GRIN2B: variants seen among roughly 807,000 people sequenced by gnomAD.
GRIN2B encodes the protein glutamate receptor ionotropic, NMDA 2B.
GRIN2B carries 5 observed loss-of-function variants against 114.5 expected under a neutral mutation model. The ratio of observed to expected loss-of-function variants is 0.04; its 90% CI spans 0.02 to 0.09. The LOEUF (loss-of-function observed/expected upper bound fraction) is 0.09, where lower values mean the gene tolerates loss of function less well. GRIN2B is among the 10% of genes least tolerant of loss of function. The pLI, the probability that GRIN2B is intolerant of heterozygous loss-of-function variation, is 1.00. For missense variants in GRIN2B, 1,108 were observed against 1,943.5 expected (o/e 0.57, Z 8.08); for synonymous variants, 787 against 745.1 (o/e 1.06, Z -0.92).
At chr12:13,962,738 C>T (rs1156277147) in intron 2 of GRIN2B, among the ~76,000 whole-genome samples, 1 of 152,194 alleles carries the variant, frequency 6.6e-6, no homozygotes, top group Admixed American at 6.5e-5. Context: ...GGGCTGACCT[C>T]CACAAAGAAG....
chr12:13,781,894 C>G (rs565881215), intron 3 of GRIN2B, among the ~76,000 whole-genome samples: 6 of 152,214 alleles, frequency 3.9e-5, no homozygotes, highest in African/African-American at 1.4e-4. Context: ...CCTTAAGGTT[C>G]CTTCTAAGAC....
intron 3 of GRIN2B, among the ~76,000 whole-genome samples, chr12:13,810,136 A>AC (rs1417957420): frequency 4.4e-5 from 6 of 136,868 alleles, no homozygotes; most frequent in African/African-American, 1.6e-4. Context: ...AAACCCCACC[A>AC]CCCCCCTCCC....
intron 4 of GRIN2B, among the ~76,000 whole-genome samples, chr12:13,704,348 G>T (rs1950339693): frequency 6.6e-6 from 1 of 152,118 alleles, no homozygotes; most frequent in African/African-American, 2.4e-5. Flanking sequence ...ATGAAAGGAA[G>T]AAGGATTTGA....
rs1203112872 is a variant in GRIN2B, at chr12:13,557,898, C to T, written c.*4885G>A. ...TAATATGTCACCTTTCCTGGGATTACTTTCATTCGAATGACAGACAGCTCA... is the reference window on the plus strand; with the variant it reads ...TAATATGTCACCTTTCCTGGGATTATTTTCATTCGAATGACAGACAGCTCA... On this transcript the variant is annotated 3_prime_UTR_variant, in exon 14 of 14. Coordinates refer to ENST00000609686, the MANE Select transcript of GRIN2B (RefSeq NM_000834.5). 6.6e-6 allele frequency: 1 copy of T among 152,178 alleles called. No homozygotes were observed. Among genetic ancestry groups the T allele is most frequent in the East Asian group, 1.9e-4 (1 of 5,192 alleles). The allele number at this position is 152,178 out of a possible 1,614,324, so 9.4% of individuals were successfully genotyped here.
chr12:13,544,420 T>G lies in GRIN2B; in HGVS notation c.*18363A>C, dbSNP rs1948319648. 1 of 152,172 alleles carries G rather than the reference T, an allele frequency of 6.6e-6. No homozygotes were observed. Among genetic ancestry groups the G allele is most frequent in the Non-Finnish European group, 1.5e-5 (1 of 68,048 alleles). The allele number at this position is 152,172 out of a possible 1,614,324, so 9.4% of individuals were successfully genotyped here. ...AGAATCCTCTTCTGTCGCTACTCAT[T>G]CTCTAGTTCCAGTATCATGGCTTCA... On this transcript the variant is annotated 3_prime_UTR_variant, in exon 14 of 14. Coordinates refer to ENST00000609686, the MANE Select transcript of GRIN2B (RefSeq NM_000834.5).
intron 2 of GRIN2B, among the ~76,000 whole-genome samples, chr12:13,901,531 G>A (rs948596824): frequency 1.3e-5 from 2 of 151,974 alleles, no homozygotes; most frequent in South Asian, 4.1e-4. Context: ...TGTGGCTAGT[G>A]AGAATAAAGA....
At chr12:13,915,350 T>C (rs1866697509) in intron 2 of GRIN2B, among the ~76,000 whole-genome samples, 1 of 152,168 alleles carries the variant, frequency 6.6e-6, no homozygotes, top group Admixed American at 6.5e-5. Flanking sequence ...ACTAGCTATG[T>C]TTCGAACCTG....
chr12:13,651,462 T>A (rs1949811784), intron 5 of GRIN2B, among the ~76,000 whole-genome samples: 1 of 152,082 alleles, frequency 6.6e-6, no homozygotes, highest in African/African-American at 2.4e-5. Context: ...AGTGTAAACT[T>A]TGTCAAAAAA....
chr12:13,960,667 G>T (rs539696617), intron 2 of GRIN2B, among the ~76,000 whole-genome samples: 3 of 152,252 alleles, frequency 2.0e-5, no homozygotes, highest in Non-Finnish European at 2.9e-5. Context: ...GATCAGTAAA[G>T]GTTTTAGGGT....
At chr12:13,972,699 A>G (rs772817917) in intron 2 of GRIN2B, among the ~76,000 whole-genome samples, 18 of 152,204 alleles carry the variant, frequency 1.2e-4, no homozygotes, top group Non-Finnish European at 2.6e-4. Context: ...GGCCAACCTT[A>G]GGACTATTTT....
intron 2 of GRIN2B, among the ~76,000 whole-genome samples, chr12:13,904,664 T>C (rs1004287132): frequency 6.6e-6 from 1 of 152,148 alleles, no homozygotes; most frequent in African/African-American, 2.4e-5. Context: ...AATTCTAGTT[T>C]TTATTTTTCC....
chr12:13,755,486 G>A (rs1863560888), intron 3 of GRIN2B, among the ~76,000 whole-genome samples: 1 of 152,154 alleles, frequency 6.6e-6, no homozygotes, highest in Non-Finnish European at 1.5e-5. Context: ...GTGCTCACCA[G>A]CACTCTCTTC....
At chr12:13,586,400 C>G (rs530120916) in intron 10 of GRIN2B, among the ~76,000 whole-genome samples, 2 of 152,252 alleles carry the variant, frequency 1.3e-5, no homozygotes, top group South Asian at 2.1e-4. Context: ...GGGTTGGTTA[C>G]TTTTTGTTAC....
intron 2 of GRIN2B, among the ~76,000 whole-genome samples, chr12:13,956,573 A>G (rs891527774): frequency 1.7e-4 from 26 of 152,086 alleles, no homozygotes; most frequent in African/African-American, 6.0e-4. Flanking sequence ...CGTTTCCTCC[A>G]ACTGTTCGTT....
At chr12:13,833,526 T>C (rs1442046639) in intron 3 of GRIN2B, among the ~76,000 whole-genome samples, 1 of 152,222 alleles carries the variant, frequency 6.6e-6, no homozygotes, top group Non-Finnish European at 1.5e-5. Context: ...TTAGTTTTCC[T>C]GAAGGACCTC....
At chr12:13,805,059 T>C (rs1295540318) in intron 3 of GRIN2B, among the ~76,000 whole-genome samples, 1 of 152,210 alleles carries the variant, frequency 6.6e-6, no homozygotes, top group Non-Finnish European at 1.5e-5. Flanking sequence ...GATTTAATTG[T>C]CCCCATTTTA....
intron 3 of GRIN2B, among the ~76,000 whole-genome samples, chr12:13,859,277 T>C (rs1168377999): frequency 2.0e-5 from 3 of 152,128 alleles, no homozygotes; most frequent in Non-Finnish European, 4.4e-5. Context: ...CCCTGGAAAA[T>C]GTATGACAAG....
At chr12:13,965,717 A>G (rs893834344) in intron 2 of GRIN2B, among the ~76,000 whole-genome samples, 3 of 151,968 alleles carry the variant, frequency 2.0e-5, no homozygotes, top group Non-Finnish European at 2.9e-5. Context: ...TTCATTTTTT[A>G]TTTCCTAATC....
intron 5 of GRIN2B, among the ~76,000 whole-genome samples, chr12:13,656,574 T>C (rs1949866517): frequency 6.6e-6 from 1 of 152,226 alleles, no homozygotes. Context: ...CTGAGAATTT[T>C]ACTAAATTTT....
Sources: allele counts gnomAD v4.1 joint callset (sites outside exome capture counted in the v4.1 genomes callset), GRCh38; gene constraint gnomAD v4.1.1; transcripts MANE v1.5; gene names NCBI Gene and HGNC (gene_info 2026-07-23, HGNC 2026-07-21).